ZNF254: variants seen among roughly 807,000 people sequenced by gnomAD.
The protein encoded by ZNF254 is CTD-2017D11.1.
A neutral mutation model predicts 12.4 loss-of-function variants in ZNF254; 10 were observed. That is an observed-to-expected ratio of 0.80 (90% CI 0.50 to 1.36). ZNF254 has a LOEUF of 1.36. ZNF254 is among the 40% of genes most tolerant of loss of function. ZNF254 has a pLI of 0.00. For missense variants in ZNF254, 996 were observed against 763.9 expected (o/e 1.30, Z -3.58); for synonymous variants, 305 against 253.4 (o/e 1.20, Z -1.93).
intron 2 of ZNF254, among the ~76,000 whole-genome samples, chr19:24,062,148 G>A (rs1971102590): frequency 6.6e-6 from 1 of 151,656 alleles, no homozygotes; most frequent in Admixed American, 6.6e-5. Flanking sequence ...CTGTATGAAG[G>A]TTATAGAGAA....
At chr19:24,075,702 A>T (rs763852244) in intron 2 of ZNF254, among the ~76,000 whole-genome samples, 43 of 152,216 alleles carry the variant, frequency 2.8e-4, no homozygotes, top group Non-Finnish European at 5.4e-4. Context: ...TTAACAGGAA[A>T]CAGAGTTCAA....
intron 1 of ZNF254, among the ~76,000 whole-genome samples, chr19:24,091,365 A>T (rs919169708): frequency 6.6e-6 from 1 of 152,144 alleles, no homozygotes; most frequent in Non-Finnish European, 1.5e-5. Context: ...CAATGAATAC[A>T]TTTCCACAAA....
At chr19:24,092,255 C>T (rs1972434706) in intron 1 of ZNF254, among the ~76,000 whole-genome samples, 1 of 151,374 alleles carries the variant, frequency 6.6e-6, no homozygotes, top group Non-Finnish European at 1.5e-5. Context: ...CAACCTACAC[C>T]TCCTGGGTTC....
chr19:24,103,404 G>A (rs779638138), intron 1 of ZNF254, among the ~76,000 whole-genome samples: 8 of 152,124 alleles, frequency 5.3e-5, no homozygotes, highest in East Asian at 1.9e-4. Flanking sequence ...TTTACAAAGC[G>A]ATTCATAAGC....
intron 2 of ZNF254, among the ~76,000 whole-genome samples, chr19:24,061,015 T>C (rs1314650156): frequency 6.6e-6 from 1 of 152,176 alleles, no homozygotes; most frequent in Admixed American, 6.5e-5. Context: ...ACTCAGCACC[T>C]AGGTAATGTG....
At chr19:24,066,358 C>G (rs752196948) in intron 2 of ZNF254, 2 of 152,182 alleles carry the variant, frequency 1.3e-5, no homozygotes, top group Non-Finnish European at 2.9e-5. Flanking sequence ...TTGCTACACC[C>G]AACACCTAGC....
At chr19:24,084,926 C>A (rs1971970441), upstream of ZNF254, among the ~76,000 whole-genome samples, 1 of 141,284 alleles carries the variant, frequency 7.1e-6, no homozygotes, top group Admixed American at 7.2e-5. Context: ...CATGAGTGAC[C>A]ACAATCTTTT....
chr19:24,115,990 A>C (rs1397455566), intron 3 of ZNF254, among the ~76,000 whole-genome samples: 1 of 152,176 alleles, frequency 6.6e-6, no homozygotes, highest in East Asian at 1.9e-4. Flanking sequence ...TCTGTGTTGA[A>C]AATTCTTTTC....
At chr19:24,052,943 ACT>A (rs1452837324) in intron 2 of ZNF254, among the ~76,000 whole-genome samples, 1 of 152,142 alleles carries the variant, frequency 6.6e-6, no homozygotes, top group African/African-American at 2.4e-5. Context: ...AAGAATTAAC[ACT>A]CTGTCACATA....
At chr19:24,034,488 G>GT (rs963358053) in intron 1 of ZNF254, among the ~76,000 whole-genome samples, 6,472 of 107,280 alleles carry the variant, frequency 0.06, 380 homozygotes, top group African/African-American at 0.094. Context: ...AGGTAAGTGG[G>GT]TTTTTTTTTT....
At chr19:24,099,152 T>C (rs1454848321) in intron 1 of ZNF254, among the ~76,000 whole-genome samples, 1 of 150,872 alleles carries the variant, frequency 6.6e-6, no homozygotes, top group East Asian at 1.9e-4. Flanking sequence ...CCCTCCACCA[T>C]GCCCAGCTAT....
At chr19:24,041,505 A>G (rs1410162565) in intron 1 of ZNF254, among the ~76,000 whole-genome samples, 7 of 152,346 alleles carry the variant, frequency 4.6e-5, no homozygotes, top group Non-Finnish European at 1.0e-4. Context: ...GTGCTGGCCC[A>G]CCGGCGCTAC....
At chr19:24,082,990 G>A (rs376635267), upstream of ZNF254, among the ~76,000 whole-genome samples, 283 of 152,224 alleles carry the variant, frequency 1.9e-3, 1 homozygote, top group African/African-American at 6.3e-3. Flanking sequence ...AAAGAAATAA[G>A]TAGCGAGCCT....
At chr19:24,072,069 T>G (rs764050227) in intron 2 of ZNF254, among the ~76,000 whole-genome samples, 12 of 152,112 alleles carry the variant, frequency 7.9e-5, no homozygotes, top group Non-Finnish European at 1.8e-4. Context: ...ACCTAAGTGA[T>G]GTAACTGTCC....
chr19:24,065,911 A>G (rs1472063340), intron 2 of ZNF254: 2 of 152,042 alleles, frequency 1.3e-5, no homozygotes, highest in Non-Finnish European at 2.9e-5. Context: ...ACATAACTCA[A>G]TGCCCATCAT....
chr19:24,049,579 G>C (rs1970568132), intron 2 of ZNF254: 1 of 152,084 alleles, frequency 6.6e-6, no homozygotes, highest in Non-Finnish European at 1.5e-5. Context: ...CCTTGGCACT[G>C]CCCACAGAAG....
At chr19:24,050,482 T>C (rs73017380) in intron 2 of ZNF254, among the ~76,000 whole-genome samples, 24,236 of 152,188 alleles carry the variant, frequency 0.16, 2,106 homozygotes, top group Middle Eastern at 0.23. Flanking sequence ...TTTATGTGAC[T>C]CTTCTCTCTT....
Position 24,124,640 on chromosome 19 carries a change from CT to C in ZNF254, c.254-1604del, listed in dbSNP as rs978281370. 1.5e-4 allele frequency among the ~76,000 whole-genome samples: 23 copies of C among 148,786 alleles called. 1 individual carries two copies. Among genetic ancestry groups the C allele is most frequent in the South Asian group, 6.4e-4 (3 of 4,656 alleles). On this transcript the variant is annotated intron_variant, in intron 3 of 3. Coordinates refer to ENST00000357002, the MANE Select transcript of ZNF254 (RefSeq NM_203282.4). ...TGGTATTATTCTCAATTAATTAAAC[CT>C]TTTTTTTTTCCACAATTTTTGTCAT...
intron 1 of ZNF254, among the ~76,000 whole-genome samples, chr19:24,099,494 A>G (rs1972881894): frequency 1.3e-5 from 2 of 152,198 alleles, no homozygotes; most frequent in African/African-American, 2.4e-5. Flanking sequence ...CAGGGAGTAG[A>G]GAGCCACTGA....
Sources: gnomAD v4.1 joint callset for allele counts (sites outside exome capture counted in the v4.1 genomes callset) on GRCh38, gnomAD v4.1.1 for gene constraint, MANE v1.5 for transcripts, NCBI Gene and HGNC (gene_info 2026-07-23, HGNC 2026-07-21) for gene names.